ANO3: variants seen among roughly 807,000 people sequenced by gnomAD.
The protein encoded by ANO3 is anoctamin-3.
ANO3 carries 99 observed loss-of-function variants against 144.8 expected under a neutral mutation model. The ratio of observed to expected loss-of-function variants is 0.68; its 90% CI spans 0.58 to 0.81. ANO3 has a LOEUF of 0.81. ANO3 is among the 30% of genes least tolerant of loss of function. The probability of loss-of-function intolerance (pLI) is 0.00; values close to 1 mark genes in which losing one functional copy is unlikely to be tolerated. For missense variants in ANO3, 905 were observed against 1,202.2 expected, an observed-to-expected ratio of 0.75 and a Z score of 3.66; for synonymous variants, 414 against 392.6, an observed-to-expected ratio of 1.05 and a Z score of -0.64.
At chr11:26,646,110 TG>T (rs1853336817) in intron 23 of ANO3, among the ~76,000 whole-genome samples, 1 of 152,158 alleles carries the variant, frequency 6.6e-6, no homozygotes, top group African/African-American at 2.4e-5. Flanking sequence ...ATTTATCCTT[TG>T]CCATTGTTTT....
At chr11:26,660,239 C>A in intron 26 of ANO3, 23 bp from the exon 27 acceptor site, 3 of 1,605,334 alleles carry the variant, frequency 1.9e-6, no homozygotes, top group Non-Finnish European at 2.6e-6. Flanking sequence ...TGAAAACTGT[C>A]CTTTTCACAT....
rs756531937 is a variant in ANO3, at chr11:26,634,312, G to A, written c.1982G>A (p.Gly661Glu). ...SSIFYIAFFL[G>E]RFVGHPGKYN... is the part of the protein sequence containing the mutation. The stretch of plus-strand genomic sequence containing the variant: ...ATCTTCTATATCGCTTTCTTTTTGG[G>A]AAGGTAAGTCAACTTTTTGTACATT... The change falls in exon 19 of 27, where the codon GGA becomes GAA. Residue 661 changes from glycine (G) to glutamate (E), a missense_variant. Around this residue, in one of 4 missense-constraint regions of ANO3, gnomAD observed 597 missense variants for 865.1 expected, o/e 0.69. Transcript: ENST00000256737. The A allele has an allele frequency of 6.2e-6, 10 of 1,600,540 alleles. No individual in the cohort carries two copies. The highest frequency in any genetic ancestry group is 8.6e-6 in the Non-Finnish European group (10 of 1,168,204).
At chr11:26,635,969 A>G (rs1216253680) in intron 20 of ANO3, among the ~76,000 whole-genome samples, 3 of 152,206 alleles carry the variant, frequency 2.0e-5, no homozygotes, top group African/African-American at 7.2e-5. Flanking sequence ...AGGCCAAGGC[A>G]GGATGATTGC....
intron 1 of ANO3, among the ~76,000 whole-genome samples, chr11:26,301,798 A>G (rs1380918400): frequency 6.6e-6 from 1 of 152,246 alleles, no homozygotes; most frequent in Non-Finnish European, 1.5e-5. Context: ...CAATTACCTT[A>G]TAGAACAGAC....
intron 5 of ANO3, 67 bp from the exon 6 acceptor site, chr11:26,516,760 C>A: frequency 8.8e-7 from 1 of 1,130,600 alleles, no homozygotes; most frequent in South Asian, 1.4e-5. Flanking sequence ...ATTCCCAAAT[C>A]AAACTGTGGC....
At chr11:26,614,381 G>A (rs956484948) in intron 17 of ANO3, among the ~76,000 whole-genome samples, 45 of 152,172 alleles carry the variant, frequency 3.0e-4, no homozygotes, top group African/African-American at 1.1e-3. Flanking sequence ...CTTCGATCTG[G>A]CCTATGTTCT....
chr11:26,554,825 G>A (rs1850039104), intron 13 of ANO3, among the ~76,000 whole-genome samples: 1 of 152,098 alleles, frequency 6.6e-6, no homozygotes, highest in Non-Finnish European at 1.5e-5. Context: ...AATAATGTGA[G>A]CGTTGTTTGT....
At chr11:26,477,181 C>T (rs1279366972) in intron 4 of ANO3, among the ~76,000 whole-genome samples, 1 of 152,048 alleles carries the variant, frequency 6.6e-6, no homozygotes, top group East Asian at 1.9e-4. Context: ...ATGAATAAGA[C>T]ATGGTTTCCA....
chr11:26,599,460 C>T, intron 16 of ANO3, 90 bp from the exon 17 acceptor site: 3 of 1,303,466 alleles, frequency 2.3e-6, no homozygotes, highest in South Asian at 1.5e-5. Flanking sequence ...ACCTTCAATT[C>T]TTGGGGACAG....
chr11:26,581,516 C>A (rs574231147), intron 14 of ANO3, among the ~76,000 whole-genome samples: 1 of 151,694 alleles, frequency 6.6e-6, no homozygotes, highest in South Asian at 2.1e-4. Flanking sequence ...TGGTGAAACC[C>A]CGTCTCTACT....
intron 1 of ANO3, among the ~76,000 whole-genome samples, chr11:26,259,785 C>A (rs183011412): frequency 6.6e-6 from 1 of 152,144 alleles, no homozygotes; most frequent in Non-Finnish European, 1.5e-5. Context: ...CTGACCATTG[C>A]CTCTTGGTAT....
In ANO3 at chr11:26,283,070, G is replaced by A. The variant is rs146180388; in HGVS notation, c.155-26575G>A. ...CATTGCTTCATCTAAAATGGTTGAT[G>A]AACTATTTTACATTATAATTTTTAA... On this transcript the variant is annotated intron_variant, in intron 1 of 27. Coordinates refer to the ANO3 transcript ENST00000672621. Among the ~76,000 whole-genome samples the A allele has an allele frequency of 1.4e-3, 209 of 148,938 alleles. 2 individuals are homozygous for A. The highest frequency in any genetic ancestry group is 4.9e-3 in the African/African-American group (194 of 39,324).
chr11:26,575,375 AT>A (rs2132841914), intron 14 of ANO3, among the ~76,000 whole-genome samples: 1 of 152,058 alleles, frequency 6.6e-6, no homozygotes, highest in East Asian at 1.9e-4. Flanking sequence ...TTTTAAAATT[AT>A]TTTAGAGTAC....
intron 17 of ANO3, among the ~76,000 whole-genome samples, chr11:26,619,812 G>A (rs557800537): frequency 6.3e-4 from 96 of 152,066 alleles, no homozygotes; most frequent in Non-Finnish European, 1.1e-3. Flanking sequence ...TCCTTTGTTG[G>A]GCTAAGAAAT....
intron 14 of ANO3, among the ~76,000 whole-genome samples, chr11:26,595,460 GTT>G (rs201712393): frequency 1.3e-3 from 129 of 101,386 alleles, no homozygotes; most frequent in Middle Eastern, 6.7e-3. Context: ...AGATAGAGTT[GTT>G]TTTTTTTTTT....
rs111943364 is a variant in ANO3, at chr11:26,637,664, C to T, written c.2044-1480C>T. Among the ~76,000 whole-genome samples the T allele has an allele frequency of 3.4e-3, 518 of 152,272 alleles. 7 individuals carry two copies. The highest frequency in any genetic ancestry group is 0.012 in the African/African-American group (499 of 41,576). On this transcript the variant is annotated intron_variant, in intron 20 of 26. Transcript: ENST00000256737. ...CTAGAAAAAGAGGTTTGCTTGGATGCGAGAATTTAGACCTCTTCATGCAGT... is the reference window on the plus strand; with the variant it reads ...CTAGAAAAAGAGGTTTGCTTGGATGTGAGAATTTAGACCTCTTCATGCAGT...
upstream of ANO3, chr11:26,331,991 C>T (rs988053486): frequency 1.3e-6 from 1 of 769,704 alleles, no homozygotes. Context: ...CAGCCAACCC[C>T]GCTCAACGCC....
At chr11:26,276,758 C>T (rs1319370918) in intron 1 of ANO3, among the ~76,000 whole-genome samples, 2 of 152,086 alleles carry the variant, frequency 1.3e-5, no homozygotes, top group East Asian at 3.8e-4. Flanking sequence ...CTCCTACCTC[C>T]CTCTAAAGGT....
chr11:26,531,172 C>G, intron 7 of ANO3, 33 bp from the exon 8 acceptor site: 3 of 1,612,038 alleles, frequency 1.9e-6, no homozygotes, highest in African/African-American at 1.3e-5. Context: ...GGAATACAAC[C>G]TAATCTAGTT....
Sources: gnomAD v4.1 joint callset for allele counts (sites outside exome capture counted in the v4.1 genomes callset) on GRCh38, gnomAD v4.1.1 for gene constraint, gnomAD v4.1.1 regional missense constraint, MANE v1.5 for transcripts, NCBI Gene and HGNC (gene_info 2026-07-23, HGNC 2026-07-21) for gene names.